FAM53A: variants seen among roughly 807,000 people sequenced by gnomAD.
The protein encoded by FAM53A is protein FAM53A.
A neutral mutation model predicts 26.6 loss-of-function variants in FAM53A; 28 were observed. The ratio of observed to expected loss-of-function variants is 1.05; its 90% confidence interval spans 0.78 to 1.45. The LOEUF (loss-of-function observed/expected upper bound fraction) is 1.45. FAM53A is among the 40% of genes most tolerant of loss of function. FAM53A has a pLI of 0.00. For synonymous variants in FAM53A, 290 were observed against 253.1 expected, an observed-to-expected ratio of 1.15 and a Z score of -1.38; for missense variants, 650 against 575.8, an observed-to-expected ratio of 1.13 and a Z score of -1.32.
At position 1,655,537 on chromosome 4, in the gene FAM53A, C is replaced by G; in HGVS notation, c.323G>C (p.Ser108Thr). 1 of 1,566,602 alleles carries G rather than the reference C, an allele frequency of 6.4e-7. No homozygotes were observed. Among genetic ancestry groups the G allele is most frequent in the Non-Finnish European group, 8.7e-7 (1 of 1,155,984 alleles). Residue 108 changes from serine to threonine, a missense_variant, in exon 4 of 5, where the codon AGC becomes ACC. Ser to Thr is a moderately conservative substitution (Grantham distance 58). Coordinates refer to ENST00000308132, the MANE Select transcript of FAM53A (RefSeq NM_001174070.3). ...CGGTGGGGCCGTGGACGAGCCTGTG[C>G]TTTCACTGGGGTCCACGGTGCTGGC... Reference protein sequence around the residue: ...GAASTVDPSESTGSSTAPPTK... With the variant: ...GAASTVDPSETTGSSTAPPTK...
chr4:1,624,883 G>A (rs374107169), intron 1 of FAM53A, among the ~76,000 whole-genome samples: 25 of 151,986 alleles, frequency 1.6e-4, no homozygotes, highest in Admixed American at 5.9e-4. Flanking sequence ...CGTGGTCAGG[G>A]GTCACACCAG....
At chr4:1,583,444 C>G in the FAM53A span, among the ~76,000 whole-genome samples, 1 of 152,234 alleles carries the variant, frequency 6.6e-6, no homozygotes, top group African/African-American at 2.4e-5. Flanking sequence ...GAGCCATTCA[C>G]TGGCTTCCCT....
rs1711613959 is a variant in FAM53A at position 1,640,777 on chromosome 4, AT to A, written c.*515del. ...CCCAGGGCAGGTGCCGGTGGCAGCC[AT>A]GGCCCCGACCAGCTCACAGGAAACC... is the stretch of plus-strand genomic sequence containing the variant. On this transcript the variant is annotated 3_prime_UTR_variant, in exon 5 of 5. Coordinates refer to ENST00000308132, the MANE Select transcript of FAM53A (RefSeq NM_001174070.3). 2.8e-6 allele frequency: 1 copy of A among 353,472 alleles called. No homozygotes were observed. 21.9% of individuals were successfully genotyped at this position (353,472 alleles called of 1,614,324 possible).
chr4:1,641,422 C>T lies in FAM53A; in HGVS notation c.1068G>A (p.Arg356=), dbSNP rs1711706136. The change falls in exon 5 of 5, where the codon AGG becomes AGA. Residue 356 remains arginine, a synonymous_variant. Transcript: ENST00000308132. ...GGGAGCCATCACTGGTCACCGACTC[C>T]CTAGAGGCCCACAGGTTGGGGTGGA... The part of the protein sequence containing the change: ...SPVHPNLWAS[R]ESVTSDGSRR... 1.2e-6 allele frequency: 2 copies of T among 1,613,078 alleles called. No individual in the cohort carries two copies. The highest frequency in any genetic ancestry group is 2.2e-5 in the East Asian group (1 of 44,862).
the FAM53A span, among the ~76,000 whole-genome samples, chr4:1,594,410 T>A: frequency 6.6e-6 from 1 of 152,216 alleles, no homozygotes; most frequent in African/African-American, 2.4e-5. Flanking sequence ...GAAAAAAGGA[T>A]GATAGAGGCA....
chr4:1,645,980 G>A (rs527695419), intron 4 of FAM53A, among the ~76,000 whole-genome samples: 31 of 152,212 alleles, frequency 2.0e-4, no homozygotes, highest in Non-Finnish European at 3.5e-4. Flanking sequence ...AGTCCTCCGC[G>A]TCCTCTATCT....
chr4:1,655,852 C>T, intron 3 of FAM53A, 129 bp from the exon 4 acceptor site: 4 of 1,156,626 alleles, frequency 3.5e-6, no homozygotes, highest in Non-Finnish European at 4.7e-6. Flanking sequence ...CCTGGGCGTG[C>T]TTCTCCAAGA....
At position 1,657,617 on chromosome 4, in the gene FAM53A, C is replaced by A. The variant is rs2108926152; in HGVS notation, c.76-149G>T. ...TAAGCACAGTTTTATTAAAACCTAA[C>A]AAAATTCAACTGAGTAAATGGACAA... On this transcript the variant is annotated intron_variant, in intron 2 of 4. Transcript: ENST00000308132. 4 of 712,640 alleles carry A rather than the reference C, an allele frequency of 5.6e-6. No individual in the cohort carries two copies. The East Asian group carries it at 8.2e-5, about 15-fold the overall frequency. 44.1% of individuals were successfully genotyped at this position (712,640 alleles called of 1,614,324 possible). A position where few individuals can be genotyped will look rare whatever the true frequency, so the allele number is the denominator to read the frequency against.
At chr4:1,638,479 C>T (rs916139455), downstream of FAM53A, among the ~76,000 whole-genome samples, 3 of 151,796 alleles carry the variant, frequency 2.0e-5, no homozygotes, top group Admixed American at 6.6e-5. Flanking sequence ...GCCCTGGGCT[C>T]GGGCCTCAGG....
the FAM53A span, among the ~76,000 whole-genome samples, chr4:1,600,927 G>C: frequency 6.6e-5 from 10 of 152,310 alleles, no homozygotes; most frequent in African/African-American, 1.7e-4. Context: ...TGTTAGGCTC[G>C]ACGTCTGGGA....
chr4:1,616,576 CA>C, downstream of FAM53A, among the ~76,000 whole-genome samples: 1 of 152,258 alleles, frequency 6.6e-6, no homozygotes, highest in African/African-American at 2.4e-5. Context: ...TCTAGGAAAA[CA>C]CATGTTTAAA....
At chr4:1,666,669 G>A (rs1210417936) in intron 2 of FAM53A, among the ~76,000 whole-genome samples, 1 of 152,250 alleles carries the variant, frequency 6.6e-6, no homozygotes, top group Non-Finnish European at 1.5e-5. Flanking sequence ...TTTGGTCTTG[G>A]TTAGAGACAC....
At chr4:1,617,923 A>G (rs1714867397) in exon 2 of FAM53A, 2 of 408,006 alleles carry the variant, frequency 4.9e-6, no homozygotes, top group Non-Finnish European at 1.0e-5. Context: ...GCTGGTGAGC[A>G]GCAGCAACTC....
the FAM53A span, among the ~76,000 whole-genome samples, chr4:1,583,369 A>G: frequency 1.3e-5 from 2 of 152,360 alleles, no homozygotes; most frequent in Middle Eastern, 3.4e-3. Context: ...GCCACATCTT[A>G]GACCCAGCAC....
chr4:1,622,148 CCT>C (rs1238758807), intron 1 of FAM53A, among the ~76,000 whole-genome samples: 2 of 152,208 alleles, frequency 1.3e-5, no homozygotes, highest in South Asian at 2.1e-4. Context: ...CCCGCCGACC[CCT>C]GTTCACGATC....
At chr4:1,644,468 A>G in intron 4 of FAM53A, 2 of 1,258,734 alleles carry the variant, frequency 1.6e-6, no homozygotes, top group Non-Finnish European at 2.1e-6. Context: ...CGAAGGCCAC[A>G]CGGAACTGAA....
chr4:1,584,510 T>C, the FAM53A span, among the ~76,000 whole-genome samples: 2 of 152,244 alleles, frequency 1.3e-5, no homozygotes, highest in Non-Finnish European at 1.5e-5. Flanking sequence ...TTTTTGAGCA[T>C]GAGTAACTTG....
chr4:1,610,091 C>A, the FAM53A span, among the ~76,000 whole-genome samples: 4 of 151,776 alleles, frequency 2.6e-5, no homozygotes, highest in Admixed American at 2.0e-4. Flanking sequence ...TCAGCCCCTG[C>A]GACTTCCCTA....
the FAM53A span, among the ~76,000 whole-genome samples, chr4:1,577,354 C>T: frequency 1.3e-5 from 2 of 152,318 alleles, no homozygotes; most frequent in East Asian, 3.9e-4. Flanking sequence ...GTGCTCAGGG[C>T]TCAGGGATGG....
Sources: gnomAD v4.1 joint callset for allele counts (sites outside exome capture counted in the v4.1 genomes callset) on GRCh38, gnomAD v4.1.1 for gene constraint, MANE v1.5 for transcripts, NCBI Gene and HGNC (gene_info 2026-07-23, HGNC 2026-07-21) for gene names.